Variants in DNAJB4 observed in about 807,000 individuals in gnomAD.
DNAJB4 encodes the protein DnaJ heat shock protein family (Hsp40) member B4.
Under a neutral mutation model 26.6 loss-of-function variants are expected in DNAJB4, and 10 were observed. The observed-to-expected ratio is 0.38, with a 90% CI of 0.23 to 0.64. DNAJB4 has a LOEUF of 0.64. DNAJB4 is among the 30% of genes least tolerant of loss of function. The pLI, the probability that DNAJB4 is intolerant of heterozygous loss-of-function variation, is 0.58. For synonymous variants in DNAJB4, 136 were observed against 134.8 expected, an observed-to-expected ratio of 1.01 and a Z score of -0.06; for missense variants, 328 against 408.2, an observed-to-expected ratio of 0.80 and a Z score of 1.69.
chr1:78,002,743 A>G (rs1351033286), upstream of DNAJB4, among the ~76,000 whole-genome samples: 1 of 152,182 alleles, frequency 6.6e-6, no homozygotes, highest in Non-Finnish European at 1.5e-5. Context: ...AATCACGATT[A>G]TATTTGCTTT....
intron 1 of DNAJB4, among the ~76,000 whole-genome samples, chr1:78,006,266 G>A (rs943821954): frequency 1.1e-4 from 17 of 152,114 alleles, no homozygotes; most frequent in African/African-American, 3.9e-4. Flanking sequence ...CATATAAACG[G>A]GGCTATGAAG....
chr1:77,998,691 T>C lies in DNAJB4; in HGVS notation c.-31-6389T>C, dbSNP rs183232251. Among the ~76,000 whole-genome samples the C allele has an allele frequency of 4.0e-5, 6 of 151,678 alleles. No homozygotes were observed. The East Asian group carries it at 1.2e-3, about 29-fold the overall frequency. On this transcript the variant is annotated intron_variant, in intron 1 of 2. Transcript: ENST00000426517. The stretch of plus-strand genomic sequence containing the variant: ...CTCATCTGTACTAAAAATAGAAAAA[T>C]TAGCCAGGCATGGTGGCATGCCTGT...
chr1:77,993,607 G>T (rs1659990412), intron 1 of DNAJB4, among the ~76,000 whole-genome samples: 1 of 152,096 alleles, frequency 6.6e-6, no homozygotes, highest in Non-Finnish European at 1.5e-5. Flanking sequence ...GAGCCACCGT[G>T]CCTGACTTAT....
At chr1:77,997,332 A>AATCTAT (rs1430823398) in intron 1 of DNAJB4, among the ~76,000 whole-genome samples, 87 of 149,756 alleles carry the variant, frequency 5.8e-4, no homozygotes, top group African/African-American at 1.0e-3. Flanking sequence ...AAAAAAAAAA[A>AATCTAT]ATCTATATCT....
At chr1:77,998,781 T>G (rs891016315) in intron 1 of DNAJB4, among the ~76,000 whole-genome samples, 3 of 152,074 alleles carry the variant, frequency 2.0e-5, no homozygotes, top group Non-Finnish European at 2.9e-5. Flanking sequence ...GAGGCTGCAG[T>G]GAGCTGAGAT....
At chr1:77,994,409 AAAG>A (rs1338714860) in intron 1 of DNAJB4, among the ~76,000 whole-genome samples, 1 of 151,968 alleles carries the variant, frequency 6.6e-6, no homozygotes, top group African/African-American at 2.4e-5. Flanking sequence ...AAAAAAAAAA[AAAG>A]AAAAAAATTA....
At chr1:78,004,860 A>G (rs1473039377), upstream of DNAJB4, 1 of 481,446 alleles carries the variant, frequency 2.1e-6, no homozygotes, top group African/African-American at 2.0e-5. Context: ...GTACAGAGAC[A>G]CGTAGTGAAA....
intron 1 of DNAJB4, chr1:77,992,865 A>C (rs1381170921): frequency 1.3e-5 from 2 of 152,232 alleles, no homozygotes; most frequent in Non-Finnish European, 2.9e-5. Flanking sequence ...CTGGAATTAC[A>C]GGCATGTGCT....
chr1:78,011,891 A>G (rs1266876960), intron 1 of DNAJB4, among the ~76,000 whole-genome samples: 1 of 149,990 alleles, frequency 6.7e-6, no homozygotes, highest in Non-Finnish European at 1.5e-5. Context: ...TTATTTATAT[A>G]TAAACAGTAT....
At chr1:78,015,570 A>G (rs539775936) in intron 2 of DNAJB4, among the ~76,000 whole-genome samples, 780 of 24,206 alleles carry the variant, frequency 0.032, 3 homozygotes, top group Non-Finnish European at 0.051. Context: ...TTTTTTTTTG[A>G]GACAGTTTTG....
intron 1 of DNAJB4, among the ~76,000 whole-genome samples, chr1:77,982,569 G>A (rs1035076218): frequency 1.9e-4 from 1 of 5,372 alleles, no homozygotes; most frequent in Admixed American, 9.2e-4. Flanking sequence ...ATGCCGAGGC[G>A]GGTGGATCAC....
upstream of DNAJB4, chr1:77,979,419 G>T (rs1659408930): frequency 5.6e-6 from 1 of 180,148 alleles, no homozygotes; most frequent in Non-Finnish European, 1.2e-5. Flanking sequence ...CAGGGAGGTA[G>T]TGCGGTAGAA....
intron 1 of DNAJB4, among the ~76,000 whole-genome samples, chr1:77,994,705 G>A (rs1238532018): frequency 1.3e-5 from 2 of 151,758 alleles, no homozygotes; most frequent in South Asian, 2.1e-4. Context: ...TGAAAATCAC[G>A]TAGATTCCTC....
In DNAJB4 at chr1:78,016,041, C is replaced by A; in HGVS notation, c.808C>A (p.Pro270Thr). 1 of 1,613,750 alleles carries A rather than the reference C, an allele frequency of 6.2e-7. No individual in the cohort carries two copies. The highest frequency in any genetic ancestry group is 8.5e-7 in the Non-Finnish European group (1 of 1,179,954). ...ATTGTGTGGCTGCTCAATTAATGTACCAACACTGGATGGAAGAAACATACC... is the reference window on the plus strand; with the variant it reads ...ATTGTGTGGCTGCTCAATTAATGTAACAACACTGGATGGAAGAAACATACC... ...EALCGCSINV[P>T]TLDGRNIPMS... is the part of the protein sequence containing the mutation. The change falls in exon 3 of 3, where the codon CCA becomes ACA. Residue 270 changes from proline (P) to threonine (T), a missense_variant. Transcript: ENST00000370763.
chr1:77,982,409 G>C (rs1391548840), intron 1 of DNAJB4, among the ~76,000 whole-genome samples: 1 of 151,922 alleles, frequency 6.6e-6, no homozygotes, highest in Non-Finnish European at 1.5e-5. Flanking sequence ...TTAACCTTTA[G>C]CTAAATAAAT....
At chr1:78,003,450 A>T (rs2102603352), upstream of DNAJB4, among the ~76,000 whole-genome samples, 1 of 152,330 alleles carries the variant, frequency 6.6e-6, no homozygotes, top group East Asian at 1.9e-4. Context: ...GTCAAAATGC[A>T]CAAAGATGAA....
Position 78,016,211 on chromosome 1 carries a change from C to T in DNAJB4, c.978C>T (p.Ser326=). 13 of 1,613,930 alleles carry T rather than the reference C, an allele frequency of 8.1e-6. No homozygotes were observed. The highest frequency in any genetic ancestry group is 1.1e-5 in the Non-Finnish European group (13 of 1,179,950). The part of the protein sequence containing the change: ...VSFPDTISSS[S]KEVLRKHLPA... The stretch of plus-strand genomic sequence containing the variant: ...TCCCAGATACTATATCTTCTTCATC[C>T]AAAGAAGTACTTAGGAAACATCTTC... The change falls in exon 3 of 3, where the codon TCC becomes TCT. Residue 326 remains serine (S), a synonymous_variant. Coordinates refer to ENST00000370763, the MANE Select transcript of DNAJB4 (RefSeq NM_007034.5).
intron 1 of DNAJB4, among the ~76,000 whole-genome samples, chr1:77,999,637 T>G (rs1012119380): frequency 9.9e-5 from 15 of 152,184 alleles, no homozygotes; most frequent in African/African-American, 3.6e-4. Context: ...CAAAATAGTT[T>G]ATATAGCTTA....
Position 77,981,534 on chromosome 1 carries a change from G to A in DNAJB4, c.-32+1212G>A, listed in dbSNP as rs573812442. Among the ~76,000 whole-genome samples the A allele has an allele frequency of 3.9e-5, 6 of 152,134 alleles. No homozygotes were observed. In the East Asian group the frequency reaches 5.8e-4, roughly 15 times the overall value. ...TCACCATGTTGGCCAGGCTGGTCTCGAACTCCTGACCTCATGATCCACCCT... is the reference window on the plus strand; with the variant it reads ...TCACCATGTTGGCCAGGCTGGTCTCAAACTCCTGACCTCATGATCCACCCT... On this transcript the variant is annotated intron_variant, in intron 1 of 2. Transcript: ENST00000426517.
Sources: allele counts gnomAD v4.1 joint callset (sites outside exome capture counted in the v4.1 genomes callset), GRCh38; gene constraint gnomAD v4.1.1; transcripts MANE v1.5; gene names NCBI Gene and HGNC (gene_info 2026-07-23, HGNC 2026-07-21).